Variants in DNER observed in about 807,000 individuals in gnomAD.
DNER encodes delta and Notch-like epidermal growth factor-related receptor.
Under a neutral mutation model 78.2 loss-of-function variants are expected in DNER, and 33 were observed. The ratio of observed to expected loss-of-function variants is 0.42; its 90% CI spans 0.32 to 0.56. DNER has a LOEUF of 0.56. DNER is among the 20% of genes least tolerant of loss of function. DNER has a pLI of 0.11. For missense variants in DNER, 918 were observed against 975.3 expected (o/e 0.94, Z 0.78); for synonymous variants, 417 against 384.8 (o/e 1.08, Z -0.98).
At chr2:229,530,219 T>C (rs1473322866) in intron 5 of DNER, among the ~76,000 whole-genome samples, 1 of 152,250 alleles carries the variant, frequency 6.6e-6, no homozygotes, top group South Asian at 2.1e-4. Flanking sequence ...CAGGTACTTA[T>C]TCTGTTCATA....
chr2:229,603,798 C>T (rs1697879904), intron 1 of DNER, among the ~76,000 whole-genome samples: 1 of 151,674 alleles, frequency 6.6e-6, no homozygotes, highest in Non-Finnish European at 1.5e-5. Context: ...ATATTTTGTG[C>T]TTTGCAATTT....
intron 1 of DNER, among the ~76,000 whole-genome samples, chr2:229,674,244 C>T (rs62193185): frequency 0.11 from 16,683 of 152,200 alleles, 1,001 homozygotes; most frequent in Middle Eastern, 0.15. Flanking sequence ...AAAGTGTCAC[C>T]CATTTCTGGA....
Position 229,585,992 on chromosome 2 carries a change from A to G in DNER, c.713T>C (p.Leu238Ser). 6.2e-7 allele frequency: 1 copy of G among 1,613,702 alleles called. No homozygotes were observed. Among genetic ancestry groups the G allele is most frequent in the South Asian group, 1.1e-5 (1 of 90,988 alleles). Residue 238 changes from leucine (L) to serine (S), a missense_variant, in exon 4 of 13, where the codon TTG becomes TCG. Transcript: ENST00000341772. ...TCCTGTGGCCGTGACCTTCCAGAGC[A>G]AAATCAGTGAGGCAGTGGCATCTTG... ...IRQDATASLI[L>S]LWKVTATGFQ... is the part of the protein sequence containing the mutation.
intron 10 of DNER, among the ~76,000 whole-genome samples, chr2:229,394,869 C>T (rs1307199385): frequency 6.6e-6 from 1 of 152,172 alleles, no homozygotes; most frequent in South Asian, 2.1e-4. Context: ...GTTCTCTCTC[C>T]GTAAAACTTC....
At chr2:229,499,751 G>A (rs1341936291) in intron 6 of DNER, among the ~76,000 whole-genome samples, 2 of 151,980 alleles carry the variant, frequency 1.3e-5, no homozygotes, top group Admixed American at 6.6e-5. Context: ...CTTCTGCATG[G>A]CAAAAGAAGC....
intron 5 of DNER, among the ~76,000 whole-genome samples, chr2:229,525,981 T>C (rs1258854672): frequency 6.6e-6 from 1 of 152,204 alleles, no homozygotes; most frequent in Non-Finnish European, 1.5e-5. Flanking sequence ...TTAAATCTTA[T>C]TAAATGCTTG....
intron 1 of DNER, among the ~76,000 whole-genome samples, chr2:229,670,584 A>G (rs1699190404): frequency 6.6e-6 from 1 of 152,246 alleles, no homozygotes; most frequent in South Asian, 2.1e-4. Context: ...ACTCACATCT[A>G]AATAAACAGG....
intron 10 of DNER, among the ~76,000 whole-genome samples, chr2:229,391,458 A>G (rs1403001434): frequency 6.6e-6 from 1 of 152,194 alleles, no homozygotes; most frequent in Admixed American, 6.5e-5. Flanking sequence ...AATAACATCT[A>G]TTGAGAAAAT....
At chr2:229,513,217 T>G (rs943472225) in intron 5 of DNER, among the ~76,000 whole-genome samples, 2 of 152,226 alleles carry the variant, frequency 1.3e-5, no homozygotes, top group Non-Finnish European at 2.9e-5. Context: ...AAGCTAAAAT[T>G]GAAGTTTTGC....
intron 4 of DNER, among the ~76,000 whole-genome samples, chr2:229,582,179 A>G (rs1697410090): frequency 6.6e-6 from 1 of 152,274 alleles, no homozygotes; most frequent in African/African-American, 2.4e-5. Context: ...TGGAGAGTCC[A>G]GATTGTAAAA....
intron 10 of DNER, among the ~76,000 whole-genome samples, chr2:229,400,492 C>G (rs1693244141): frequency 6.6e-6 from 1 of 151,870 alleles, no homozygotes; most frequent in Non-Finnish European, 1.5e-5. Context: ...CAAGATGAGG[C>G]TGAAGCATCT....
chr2:229,533,593 G>A (rs1037249904), intron 5 of DNER, among the ~76,000 whole-genome samples: 6 of 152,080 alleles, frequency 3.9e-5, no homozygotes, highest in Non-Finnish European at 7.4e-5. Flanking sequence ...TGGAATGTGC[G>A]TACCAGGCCC....
chr2:229,599,214 G>A (rs1697781299), intron 1 of DNER, among the ~76,000 whole-genome samples: 1 of 152,192 alleles, frequency 6.6e-6, no homozygotes, highest in East Asian at 1.9e-4. Context: ...GGATGGGAAA[G>A]AACAGGGGGA....
At chr2:229,616,869 T>C (rs776977456) in intron 1 of DNER, among the ~76,000 whole-genome samples, 2 of 152,220 alleles carry the variant, frequency 1.3e-5, no homozygotes, top group Non-Finnish European at 2.9e-5. Context: ...CTTGTCCTGG[T>C]CTCTGGACTG....
chr2:229,646,723 C>A (rs1698725438), intron 1 of DNER, among the ~76,000 whole-genome samples: 1 of 152,266 alleles, frequency 6.6e-6, no homozygotes, highest in Admixed American at 6.5e-5. Context: ...ACTGAATGCA[C>A]ACTCTGTGCC....
rs187392714 is a variant in DNER at position 229,425,117 on chromosome 2, C to T, written c.1487-6887G>A. 2.1e-3 allele frequency among the ~76,000 whole-genome samples: 327 copies of T among 152,170 alleles called. 1 individual carries two copies. The highest frequency in any genetic ancestry group is 7.3e-3 in the African/African-American group (303 of 41,512). The stretch of plus-strand genomic sequence containing the variant: ...GGACAATACCTAGGAGGGCTTCTGC[C>T]CTTGTGGGTTTGACATAACACAGTC... On this transcript the variant is annotated intron_variant, in intron 8 of 12. Transcript: ENST00000341772.
At chr2:229,493,833 C>T (rs1695452041) in intron 6 of DNER, among the ~76,000 whole-genome samples, 1 of 151,998 alleles carries the variant, frequency 6.6e-6, no homozygotes, top group African/African-American at 2.4e-5. Flanking sequence ...AGAAGCAGGC[C>T]CAGAGAGTTG....
At chr2:229,593,781 G>A (rs190116960) in intron 1 of DNER, among the ~76,000 whole-genome samples, 4 of 152,318 alleles carry the variant, frequency 2.6e-5, no homozygotes, top group East Asian at 1.9e-4. Context: ...TTTTATTCAC[G>A]TGAACAAAGG....
At chr2:229,460,907 CA>C (rs1483331389) in intron 7 of DNER, among the ~76,000 whole-genome samples, 2 of 152,184 alleles carry the variant, frequency 1.3e-5, no homozygotes, top group South Asian at 2.1e-4. Flanking sequence ...TAAGTGATCC[CA>C]AACTCAGATA....
Sources: allele counts gnomAD v4.1 joint callset (sites outside exome capture counted in the v4.1 genomes callset), GRCh38; gene constraint gnomAD v4.1.1; transcripts MANE v1.5; gene names NCBI Gene and HGNC (gene_info 2026-07-23, HGNC 2026-07-21).